Variants in TENM4 observed in about 807,000 individuals in gnomAD.
TENM4 encodes teneurin-4.
A neutral mutation model predicts 243.3 loss-of-function variants in TENM4; 82 were observed. The observed-to-expected ratio is 0.34, with a 90% CI of 0.28 to 0.40. The LOEUF (loss-of-function observed/expected upper bound fraction) is 0.40. Among genes scored for constraint, TENM4 ranks in the 10% least tolerant of loss-of-function variants. The pLI is 1.00. For missense variants in TENM4, 3,138 were observed against 3,673.3 expected (o/e 0.85, Z 3.77); for synonymous variants, 1,412 against 1,456.3 (o/e 0.97, Z 0.69).
chr11:79,247,452 C>T lies in TENM4; in HGVS notation c.-264-31543G>A, dbSNP rs543614046. On this transcript the variant is annotated intron_variant, in intron 2 of 33. Coordinates refer to ENST00000278550, the MANE Select transcript of TENM4 (RefSeq NM_001098816.3). ...AAAAAAAAAAAAAGAAGAAGAAGAACGTGCTGATTCCAGGCCTTGTGCAAT... is the reference window on the plus strand; with the variant it reads ...AAAAAAAAAAAAAGAAGAAGAAGAATGTGCTGATTCCAGGCCTTGTGCAAT... 8.8e-5 allele frequency among the ~76,000 whole-genome samples: 13 copies of T among 148,244 alleles called. No homozygotes were observed. In the South Asian group the frequency reaches 2.1e-3, roughly 24 times the overall value.
intron 1 of TENM4, among the ~76,000 whole-genome samples, chr11:79,378,543 A>C (rs579805): frequency 1.3e-5 from 2 of 151,858 alleles, no homozygotes; most frequent in Non-Finnish European, 2.9e-5. Flanking sequence ...AACCACTTCC[A>C]CACTCCACCT....
At chr11:78,752,208 G>C (rs1036459304) in intron 19 of TENM4, among the ~76,000 whole-genome samples, 3 of 152,302 alleles carry the variant, frequency 2.0e-5, no homozygotes, top group African/African-American at 7.2e-5. Flanking sequence ...CGGGGCCCTG[G>C]GGACACAGAT....
At chr11:79,099,785 G>A (rs1224396969) in intron 4 of TENM4, among the ~76,000 whole-genome samples, 1 of 152,212 alleles carries the variant, frequency 6.6e-6, no homozygotes, top group African/African-American at 2.4e-5. Flanking sequence ...TTGACAGAGA[G>A]CACAGCAAGC....
intron 2 of TENM4, among the ~76,000 whole-genome samples, chr11:79,230,970 C>T (rs773709489): frequency 3.0e-4 from 45 of 152,266 alleles, no homozygotes; most frequent in Middle Eastern, 3.4e-3. Context: ...GTCAGCCCAC[C>T]GGACTCACTG....
At chr11:78,921,643 G>A (rs1469754275) in intron 6 of TENM4, among the ~76,000 whole-genome samples, 2 of 152,228 alleles carry the variant, frequency 1.3e-5, no homozygotes, top group Non-Finnish European at 1.5e-5. Flanking sequence ...AAGGCCTAGA[G>A]ATGGAAGGTG....
chr11:79,229,606 T>C (rs2135257732), intron 2 of TENM4, among the ~76,000 whole-genome samples: 1 of 152,274 alleles, frequency 6.6e-6, no homozygotes, highest in African/African-American at 2.4e-5. Flanking sequence ...CACATTCCTG[T>C]CCATTCTTAA....
intron 2 of TENM4, among the ~76,000 whole-genome samples, chr11:79,217,297 T>G (rs1366496809): frequency 6.6e-6 from 1 of 152,090 alleles, no homozygotes; most frequent in Non-Finnish European, 1.5e-5. Flanking sequence ...CCTGTACTTT[T>G]CCTGCCCCAT....
intron 6 of TENM4, among the ~76,000 whole-genome samples, chr11:78,945,084 A>G (rs1856981201): frequency 6.6e-6 from 1 of 152,232 alleles, no homozygotes; most frequent in Non-Finnish European, 1.5e-5. Context: ...TTCATAATCA[A>G]AACAACGATT....
At chr11:79,095,622 G>A (rs1339932138) in intron 4 of TENM4, among the ~76,000 whole-genome samples, 14 of 152,166 alleles carry the variant, frequency 9.2e-5, no homozygotes, top group South Asian at 2.1e-4. Flanking sequence ...TCCAGTTTGA[G>A]GCCCCTCTGG....
chr11:79,058,557 C>CA (rs1002869354), intron 6 of TENM4, among the ~76,000 whole-genome samples: 32 of 146,370 alleles, frequency 2.2e-4, no homozygotes, highest in Admixed American at 5.4e-4. Flanking sequence ...AAAAAAAAAA[C>CA]AAAAAAAAGG....
intron 2 of TENM4, among the ~76,000 whole-genome samples, chr11:79,295,143 G>A (rs898761401): frequency 6.6e-6 from 1 of 152,144 alleles, no homozygotes; most frequent in African/African-American, 2.4e-5. Flanking sequence ...GAACAAAAAC[G>A]CACAAACCCA....
At chr11:78,661,682 G>C in intron 32 of TENM4, 91 bp from the exon 33 acceptor site, 1 of 1,504,226 alleles carries the variant, frequency 6.6e-7, no homozygotes, top group Non-Finnish European at 9.0e-7. Flanking sequence ...TTAGCTGCAG[G>C]GTGTGGTGAG....
At chr11:78,989,555 G>C (rs1370934487) in intron 6 of TENM4, among the ~76,000 whole-genome samples, 1 of 152,190 alleles carries the variant, frequency 6.6e-6, no homozygotes, top group African/African-American at 2.4e-5. Context: ...ACTCTCTTTA[G>C]AGAAATCCTT....
At chr11:78,714,918 G>A (rs1859489090) in intron 25 of TENM4, among the ~76,000 whole-genome samples, 1 of 152,184 alleles carries the variant, frequency 6.6e-6, no homozygotes, top group African/African-American at 2.4e-5. Flanking sequence ...TGCTGTGACT[G>A]TTCATTTATG....
In TENM4 at chr11:78,869,343, C is replaced by T. The variant is rs187775232; in HGVS notation, c.1085-6211G>A. 6.6e-4 allele frequency among the ~76,000 whole-genome samples: 100 copies of T among 152,262 alleles called. 1 individual carries two copies. The highest frequency in any genetic ancestry group is 6.2e-3 in the Admixed American group (94 of 15,278). On this transcript the variant is annotated intron_variant, in intron 9 of 33. Coordinates refer to ENST00000278550, the MANE Select transcript of TENM4 (RefSeq NM_001098816.3). The stretch of plus-strand genomic sequence containing the variant: ...TTTCCTGACTGCATCTCTGCAAAAC[C>T]ATGTATGCATATGAAAAACAATTTG...
chr11:79,126,935 T>C (rs1044445705), intron 4 of TENM4, among the ~76,000 whole-genome samples: 2 of 152,208 alleles, frequency 1.3e-5, no homozygotes, highest in African/African-American at 4.8e-5. Flanking sequence ...GGCTCTGAGC[T>C]GATGCTGACT....
At position 78,903,402 on chromosome 11, in the gene TENM4, G is replaced by C; in HGVS notation, c.615C>G (p.Phe205Leu). The C allele has an allele frequency of 2.0e-6, 3 of 1,538,338 alleles. No individual in the cohort carries two copies. The highest frequency in any genetic ancestry group is 2.6e-6 in the Non-Finnish European group (3 of 1,140,208). ...CCGGGCTGGGGTTGCTCCTCGGCGTGAAGTTGCCCCGGTTCAGGGAGTTAA... is the reference window on the plus strand; with the variant it reads ...CCGGGCTGGGGTTGCTCCTCGGCGTCAAGTTGCCCCGGTTCAGGGAGTTAA... ...ASINSLNRGN[F>L]TPRSNPSPAP... Residue 205 changes from phenylalanine (F) to leucine (L), a missense_variant, in exon 7 of 34, where the codon TTC (phenylalanine) becomes TTG (leucine). Phe to Leu is a conservative substitution (Grantham distance 22). Transcript: ENST00000278550.
At chr11:78,715,247 G>A (rs149658727) in intron 25 of TENM4, among the ~76,000 whole-genome samples, 449 of 152,254 alleles carry the variant, frequency 2.9e-3, no homozygotes, top group Non-Finnish European at 5.0e-3. Context: ...CATAAAAGGC[G>A]GTGACCTTAG....
chr11:79,167,540 G>A (rs893565729), intron 3 of TENM4, among the ~76,000 whole-genome samples: 1 of 152,148 alleles, frequency 6.6e-6, no homozygotes, highest in Admixed American at 6.5e-5. Flanking sequence ...ATTGCCCAAG[G>A]CTGCCTAGCC....
Sources: allele counts gnomAD v4.1 joint callset (sites outside exome capture counted in the v4.1 genomes callset), GRCh38; gene constraint gnomAD v4.1.1; transcripts MANE v1.5; gene names NCBI Gene and HGNC (gene_info 2026-07-23, HGNC 2026-07-21).